The following PGAP1 variants were observed in gnomAD, a reference collection of about 807,000 sequenced individuals.
The protein encoded by PGAP1 is GPI inositol-deacylase.
In PGAP1, 76 loss-of-function variants were observed where a neutral mutation model predicts 127.0. That is an observed-to-expected ratio of 0.60 (90% CI 0.50 to 0.72). The LOEUF is 0.72. Among genes scored for constraint, PGAP1 ranks in the 30% least tolerant of loss-of-function variants. PGAP1 has a pLI of 0.00. For missense variants in PGAP1, 982 were observed against 1,071.3 expected (o/e 0.92, Z 1.16); for synonymous variants, 362 against 366.5 (o/e 0.99, Z 0.14).
chr2:196,905,752 C>G (rs1056446853), intron 4 of PGAP1, among the ~76,000 whole-genome samples: 4 of 146,090 alleles, frequency 2.7e-5, no homozygotes, highest in Admixed American at 1.4e-4. Context: ...GCGCACCGTG[C>G]GCGAGCCGAA....
chr2:196,926,665 TCCGCCGCGGGGCCCCAAGC>T lies in PGAP1; in HGVS notation c.-68_-50del, dbSNP rs1703375946. ...CGCCGCCGCCCCCTCTACCTCCTTC[TCCGCCGCGGGGCCCCAAGC>T]CCGGACTGAGCGTGCTAGACACTGT... On this transcript the variant is annotated 5_prime_UTR_variant, in exon 1 of 27. Transcript: ENST00000354764. The T allele has an allele frequency of 6.2e-7, 1 of 1,610,832 alleles. No homozygotes were observed. The highest frequency in any genetic ancestry group is 1.1e-5 in the South Asian group (1 of 90,964).
rs1559318663 is a variant in PGAP1 at position 196,833,711 on chromosome 2, G to A, written c.*7523C>T. On this transcript the variant is annotated 3_prime_UTR_variant, in exon 27 of 27. Transcript: ENST00000354764. ...GTAAAATGGGAAAACAATGTGTTGA[G>A]TTTACTTTCAAAATTGAAATTGAAA... is the stretch of plus-strand genomic sequence containing the variant. 6.6e-6 allele frequency: 1 copy of A among 152,070 alleles called. No individual in the cohort carries two copies. Among genetic ancestry groups the A allele is most frequent in the African/African-American group, 2.4e-5 (1 of 41,444 alleles). The allele number at this position is 152,070 out of a possible 1,614,324, so 9.4% of individuals were successfully genotyped here.
chr2:196,885,649 C>A (rs536556515), intron 11 of PGAP1, among the ~76,000 whole-genome samples, 174 bp from the exon 12 acceptor site: 14 of 152,150 alleles, frequency 9.2e-5, no homozygotes, highest in Admixed American at 7.8e-4. Flanking sequence ...ATGTTTTTCC[C>A]AGCTAATTTC....
chr2:196,854,376 A>G lies in PGAP1; in HGVS notation c.1862-6339T>C, dbSNP rs144513999. On this transcript the variant is annotated intron_variant, in intron 20 of 26. Transcript: ENST00000354764. ...GATAAGTGATACTAGATCTTCTTTC[A>G]GTTATATTCATGTTATTGATATACT... Among the ~76,000 whole-genome samples the G allele has an allele frequency of 6.1e-3, 925 of 152,258 alleles. 4 individuals carry two copies. The highest frequency in any genetic ancestry group is 0.051 in the Middle Eastern group (15 of 294).
rs1406193829 is a variant in PGAP1, at chr2:196,884,185, C to A, written c.1272+1239G>T. Among the ~76,000 whole-genome samples, 5 of 152,134 alleles carry A rather than the reference C, an allele frequency of 3.3e-5. No individual in the cohort carries two copies. In the South Asian group the frequency reaches 6.2e-4, roughly 19 times the overall value. On this transcript the variant is annotated intron_variant, in intron 12 of 26. Coordinates refer to ENST00000354764, the MANE Select transcript of PGAP1 (RefSeq NM_024989.4). ...CTTAATCTTTATAGGCTGGATAGAA[C>A]ATCCAAATTAATCTATACAATTCAT...
rs1195398033 is a variant in PGAP1 at position 196,840,909 on chromosome 2, A to C, written c.*325T>G. ...TGAGACTGCAAATAATGCTGCATCT[A>C]CTAAATCTCTCATATCAGACTTCTC... On this transcript the variant is annotated 3_prime_UTR_variant, in exon 27 of 27. Coordinates refer to ENST00000354764, the MANE Select transcript of PGAP1 (RefSeq NM_024989.4). The C allele has an allele frequency of 1.0e-5, 2 of 196,008 alleles. No homozygotes were observed. The highest frequency in any genetic ancestry group is 4.6e-5 in the African/African-American group (2 of 43,284). 12.1% of individuals were successfully genotyped at this position (196,008 alleles called of 1,614,324 possible). A position where few individuals can be genotyped will look rare whatever the true frequency, so the allele number is the denominator to read the frequency against.
Position 196,838,713 on chromosome 2 carries a change from T to C in PGAP1, c.*2521A>G, listed in dbSNP as rs1457263716. 6.6e-6 allele frequency: 1 copy of C among 152,188 alleles called. No homozygotes were observed. The highest frequency in any genetic ancestry group is 2.4e-5 in the African/African-American group (1 of 41,448). 9.4% of individuals were successfully genotyped at this position (152,188 alleles called of 1,614,324 possible). On this transcript the variant is annotated 3_prime_UTR_variant, in exon 27 of 27. Transcript: ENST00000354764. ...GATAACTACATTCCCATGAAAATAT[T>C]TGAGTGAGAATTAGTGTACCTAGTC... is the stretch of plus-strand genomic sequence containing the variant.
chr2:196,912,782 G>GATAA, intron 4 of PGAP1, 100 bp downstream of exon 4: 1 of 1,125,504 alleles, frequency 8.9e-7, no homozygotes, highest in Non-Finnish European at 1.2e-6. Flanking sequence ...TTCATACATG[G>GATAA]ATAAATCTGT....
In PGAP1 at chr2:196,892,401, C is replaced by T; in HGVS notation, c.1034G>A (p.Gly345Glu). Residue 345 changes from glycine (G) to glutamate (E), a missense_variant and splice_region_variant, in exon 9 of 27, where the codon GGG (glycine) becomes GAG (glutamate). Transcript: ENST00000354764. Reference protein sequence around the residue: ...ENPAIISDLTGTSMWVLVKVS... With the variant: ...ENPAIISDLTETSMWVLVKVS... Reference sequence around the variant, plus strand: ...TTTTACTAGAACCCACATAGATGTCCCTGAAGGTAAAGGAAATTAATTTAT... The same window carrying T: ...TTTTACTAGAACCCACATAGATGTCTCTGAAGGTAAAGGAAATTAATTTAT... The T allele has an allele frequency of 7.2e-7, 1 of 1,398,118 alleles. No individual in the cohort carries two copies. Among genetic ancestry groups the T allele is most frequent in the Non-Finnish European group, 9.9e-7 (1 of 1,009,902 alleles). 86.6% of individuals were successfully genotyped at this position (1,398,118 alleles called of 1,614,324 possible).
intron 10 of PGAP1, among the ~76,000 whole-genome samples, chr2:196,886,246 C>T (rs528190027): frequency 2.0e-5 from 3 of 150,672 alleles, no homozygotes; most frequent in African/African-American, 7.3e-5. Flanking sequence ...CTGCAACCTC[C>T]TCCTCCTGGG....
chr2:196,887,942 A>C (rs1701970462), intron 10 of PGAP1, among the ~76,000 whole-genome samples: 1 of 152,200 alleles, frequency 6.6e-6, no homozygotes, highest in Non-Finnish European at 1.5e-5. Flanking sequence ...CCATTTTTGT[A>C]AAGGGTTTTT....
chr2:196,902,391 A>G (rs996314752), intron 5 of PGAP1, among the ~76,000 whole-genome samples, 194 bp downstream of exon 5: 1 of 137,498 alleles, frequency 7.3e-6, no homozygotes, highest in Non-Finnish European at 1.5e-5. Context: ...CTCCCAACAC[A>G]TTCATATTCA....
intron 20 of PGAP1, among the ~76,000 whole-genome samples, chr2:196,850,968 G>A (rs547141852): frequency 6.6e-6 from 1 of 152,078 alleles, no homozygotes; most frequent in East Asian, 1.9e-4. Flanking sequence ...AGAAAAACAT[G>A]TTCAACTCCA....
intron 12 of PGAP1, 102 bp downstream of exon 12, chr2:196,885,318 GTTTA>G (rs1476477029): frequency 2.8e-6 from 2 of 721,620 alleles, no homozygotes; most frequent in Middle Eastern, 3.3e-4. Flanking sequence ...TAAATCTCAA[GTTTA>G]TTTAATACCA....
intron 23 of PGAP1, 29 bp downstream of exon 23, chr2:196,845,853 A>G (rs1446380362): frequency 2.6e-6 from 4 of 1,568,000 alleles, no homozygotes; most frequent in Non-Finnish European, 3.5e-6. Flanking sequence ...ACAAAGCTCA[A>G]TCATTTTGGC....
chr2:196,885,396 A>G, intron 12 of PGAP1, 28 bp downstream of exon 12: 2 of 1,517,208 alleles, frequency 1.3e-6, no homozygotes, highest in Non-Finnish European at 1.8e-6. Flanking sequence ...TTTCAACTGA[A>G]TATTAAAATT....
intron 1 of PGAP1, chr2:196,922,318 T>C: frequency 8.7e-7 from 1 of 1,151,698 alleles, no homozygotes; most frequent in Non-Finnish European, 1.1e-6. Flanking sequence ...AAGTTTTATT[T>C]CCATAACTAA....
At position 196,841,258 on chromosome 2, in the gene PGAP1, G is replaced by C; in HGVS notation, c.2745C>G (p.Leu915=). ...CTTACATAAAGTTGCATAATGCATG[G>C]AGTAAAAGAGGAATGAAGACAAAGC... ...LPCFVFIPLL[L]HALCNFM Residue 915 remains leucine, a synonymous_variant, in exon 27 of 27, where the codon CTC becomes CTG. Coordinates refer to ENST00000354764, the MANE Select transcript of PGAP1 (RefSeq NM_024989.4). The C allele has an allele frequency of 6.2e-7, 1 of 1,613,632 alleles. No individual in the cohort carries two copies. Among genetic ancestry groups the C allele is most frequent in the Non-Finnish European group, 8.5e-7 (1 of 1,179,842 alleles).
chr2:196,896,503 CA>C (rs1176068573), intron 7 of PGAP1, among the ~76,000 whole-genome samples: 1 of 151,426 alleles, frequency 6.6e-6, no homozygotes, highest in Non-Finnish European at 1.5e-5. Context: ...CAATGTATTA[CA>C]AAAAAAATTA....
Sources: gnomAD v4.1 joint callset for allele counts (sites outside exome capture counted in the v4.1 genomes callset) on GRCh38, gnomAD v4.1.1 for gene constraint, MANE v1.5 for transcripts, NCBI Gene and HGNC (gene_info 2026-07-23, HGNC 2026-07-21) for gene names.